DOCK6: variants seen among roughly 807,000 people sequenced by gnomAD.
The protein encoded by DOCK6 is dedicator of cytokinesis 6, also known as dedicator of cytokinesis protein 6.
DOCK6 carries 167 observed loss-of-function variants against 230.3 expected under a neutral mutation model. The observed-to-expected ratio is 0.73, with a 90% CI of 0.64 to 0.82. DOCK6 has a LOEUF of 0.82. DOCK6 is among the 40% of genes least tolerant of loss of function. The pLI, the probability that DOCK6 is intolerant of heterozygous loss-of-function variation, is 0.00. For missense variants in DOCK6, 2,598 were observed against 2,825.8 expected, an observed-to-expected ratio of 0.92 and a Z score of 1.83; for synonymous variants, 1,148 against 1,185.0, an observed-to-expected ratio of 0.97 and a Z score of 0.64.
rs1170577137 is a variant in DOCK6 at position 11,201,176 on chromosome 19, A to T, written c.5689-124T>A. ...GTCCAAGAACCCAGGCAATGAACAGAATCTGGGGGCCTTCCTGGGTCTGAC... is the reference window on the plus strand; with the variant it reads ...GTCCAAGAACCCAGGCAATGAACAGTATCTGGGGGCCTTCCTGGGTCTGAC... On this transcript the variant is annotated intron_variant, in intron 44 of 47. Transcript: ENST00000294618. This position sits in a 1 kb window ranked among gnomAD's most constrained non-coding sequence, Gnocchi z 4.3. 5 of 1,242,544 alleles carry T rather than the reference A, an allele frequency of 4.0e-6. No homozygotes were observed. In the African/African-American group the frequency reaches 7.5e-5, roughly 19 times the overall value. The allele number at this position is 1,242,544 out of a possible 1,614,324, so 77.0% of individuals were successfully genotyped here.
chr19:11,231,157 G>T (rs1018285613), intron 22 of DOCK6, among the ~76,000 whole-genome samples: 5 of 152,148 alleles, frequency 3.3e-5, no homozygotes, highest in African/African-American at 7.2e-5. Flanking sequence ...CTTGGTGATG[G>T]GCACAGAGCT....
rs1483835650 is a variant in DOCK6 at position 11,237,795 on chromosome 19, T to C, written c.1833-16A>G. 4 of 1,559,580 alleles carry C rather than the reference T, an allele frequency of 2.6e-6. No individual in the cohort carries two copies. Among genetic ancestry groups the C allele is most frequent in the Non-Finnish European group, 3.5e-6 (4 of 1,151,982 alleles). On this transcript the variant is annotated splice_polypyrimidine_tract_variant and intron_variant, in intron 16 of 47. Coordinates refer to ENST00000294618, the MANE Select transcript of DOCK6 (RefSeq NM_020812.4). ...CTCGGGGGACCTGGCAGAATCGGGC[T>C]GGGGGATCTGCTGGGGGCTGGGGTC...
rs2079149192 is a variant in DOCK6, at chr19:11,200,399, C to G, written c.6010G>C (p.Glu2004Gln). 1 of 1,608,486 alleles carries G rather than the reference C, an allele frequency of 6.2e-7. No homozygotes were observed. The highest frequency in any genetic ancestry group is 8.5e-7 in the Non-Finnish European group (1 of 1,177,680). Residue 2004 changes from glutamate (E) to glutamine (Q), a missense_variant, in exon 47 of 48, where the codon GAG becomes CAG. Physicochemically the swap from Glu to Gln is conservative, Grantham distance 29. Coordinates refer to ENST00000294618, the MANE Select transcript of DOCK6 (RefSeq NM_020812.4). This position sits in a 1 kb window ranked among gnomAD's most constrained non-coding sequence, Gnocchi z 4.3. The stretch of plus-strand genomic sequence containing the variant: ...TCCCGCAGGCGGCAGTAGTTGCGCT[C>G]CAGCTCACGGTGGTACTCCTTCTGG... ...PDQKEYHREL[E>Q]RNYCRLREAL...
At chr19:11,241,822 C>A (rs765100936) in intron 14 of DOCK6, 171 of 1,430,738 alleles carry the variant, frequency 1.2e-4, no homozygotes, top group Non-Finnish European at 1.6e-4. Context: ...GAGCACAGAG[C>A]AGAGACAGAC....
chr19:11,224,465 C>T (rs2079633133), intron 24 of DOCK6, among the ~76,000 whole-genome samples: 1 of 152,118 alleles, frequency 6.6e-6, no homozygotes, highest in African/African-American at 2.4e-5. Context: ...CCCTCCTCGG[C>T]CTCCTAAAGT....
At chr19:11,242,921 GC>G (rs1358943525) in intron 13 of DOCK6, 137 bp downstream of exon 13, 22 of 925,818 alleles carry the variant, frequency 2.4e-5, no homozygotes, top group Non-Finnish European at 3.4e-5. Context: ...GCTGTAGCCA[GC>G]CCCTGAGGTC....
At chr19:11,199,614 TTCCTCC>T in intron 47 of DOCK6, 75 bp from the exon 48 acceptor site, 1 of 1,431,370 alleles carries the variant, frequency 7.0e-7, no homozygotes, top group African/African-American at 1.4e-5. Flanking sequence ...CCACATCCTC[TTCCTCC>T]TCCTCCTCGT....
intron 7 of DOCK6, among the ~76,000 whole-genome samples, chr19:11,246,136 G>C (rs1315084894): frequency 6.7e-6 from 1 of 150,060 alleles, no homozygotes; most frequent in Non-Finnish European, 1.5e-5. Context: ...GTGCGATCTC[G>C]GCTCACTGCA....
chr19:11,249,388 G>A (rs1280236244), intron 6 of DOCK6, among the ~76,000 whole-genome samples: 1 of 151,940 alleles, frequency 6.6e-6, no homozygotes, highest in African/African-American at 2.4e-5. Flanking sequence ...GCACGTGCCT[G>A]TAGTCCCAGC....
In DOCK6 at chr19:11,243,421, A is replaced by T. The variant is rs1599271087; in HGVS notation, c.1259-36T>A. The T allele has an allele frequency of 2.5e-6, 4 of 1,591,082 alleles. No homozygotes were observed. In the East Asian group the frequency reaches 9.1e-5, roughly 36 times the overall value. On this transcript the variant is annotated intron_variant, in intron 11 of 47. Coordinates refer to ENST00000294618, the MANE Select transcript of DOCK6 (RefSeq NM_020812.4). This position sits in a 1 kb window ranked among gnomAD's most constrained non-coding sequence, Gnocchi z 6.3. ...GAATGACAATGACAAAAGGGGGACC[A>T]AGATGAAACAGGGAGACTCAGGGGC... is the stretch of plus-strand genomic sequence containing the variant.
Position 11,248,161 on chromosome 19 carries a change from G to GT in DOCK6, c.721-11dup. 1 of 1,580,356 alleles carries GT rather than the reference G, an allele frequency of 6.3e-7. No homozygotes were observed. The highest frequency in any genetic ancestry group is 1.3e-5 in the African/African-American group (1 of 74,772). ...GTTCCACGGCTTCATCCTGCCAAGA[G>GT]TGGGGGGTGGGAGCTGGGCGGGAGG... On this transcript the variant is annotated splice_polypyrimidine_tract_variant and intron_variant, in intron 6 of 47. Coordinates refer to ENST00000294618, the MANE Select transcript of DOCK6 (RefSeq NM_020812.4).
At chr19:11,227,163 G>A (rs888007964) in intron 24 of DOCK6, among the ~76,000 whole-genome samples, 174 bp downstream of exon 24, 1 of 152,168 alleles carries the variant, frequency 6.6e-6, no homozygotes, top group East Asian at 1.9e-4. Context: ...CCCAGCACAG[G>A]GCTGTGCACG....
Position 11,200,312 on chromosome 19 carries a change from G to A in DOCK6, c.6097C>T (p.Leu2033Phe), listed in dbSNP as rs556988328. ...PQLMAPTPPG[L>F]RNSLNRASFR... ...TGGGGGCACTAGGTCAGGCACCTGA[G>A]GCCGGGTGGGGTGGGTGCCATCAGC... The change falls in exon 47 of 48, where the codon CTC becomes TTC. Residue 2033 changes from leucine to phenylalanine, a missense_variant. Physicochemically the swap from Leu to Phe is conservative, Grantham distance 22. Transcript: ENST00000294618. This position sits in a 1 kb window ranked among gnomAD's most constrained non-coding sequence, Gnocchi z 4.3. 1.1e-4 allele frequency: 168 copies of A among 1,563,594 alleles called. 1 individual carries two copies. The East Asian group carries it at 3.8e-3, about 35-fold the overall frequency.
Position 11,213,195 on chromosome 19 carries a change from T to C in DOCK6, c.4472A>G (p.Gln1491Arg). The C allele has an allele frequency of 6.2e-7, 1 of 1,612,660 alleles. No homozygotes were observed. The highest frequency in any genetic ancestry group is 8.5e-7 in the Non-Finnish European group (1 of 1,179,428). The change falls in exon 35 of 48, where the codon CAG becomes CGG. Residue 1491 changes from glutamine (Q) to arginine (R), a missense_variant. Coordinates refer to ENST00000294618, the MANE Select transcript of DOCK6 (RefSeq NM_020812.4). ...ACTCACGTGGCCGATCTCGAAGTTC[T>C]GTCGCATGAGCAGGTACAGCGAGGC... is the stretch of plus-strand genomic sequence containing the variant. Reference protein sequence around the residue: ...ASASLYLLMRQNFEIGHNFAR... With the variant: ...ASASLYLLMRRNFEIGHNFAR...
In DOCK6 at chr19:11,218,874, C is replaced by CTT. The variant is rs74180011; in HGVS notation, c.3551-1485_3551-1484dup. ...GGAGCTCAAGAAAAAAAAAAAATCA[C>CTT]TTTTTTTTTTTTTTTTTTTTTTGAG... On this transcript the variant is annotated intron_variant, in intron 28 of 47. Transcript: ENST00000294618. Among the ~76,000 whole-genome samples, 925 of 104,976 alleles carry CTT rather than the reference C, an allele frequency of 8.8e-3. 23 individuals carry two copies. The highest frequency in any genetic ancestry group is 0.028 in the African/African-American group (658 of 23,706). 68.9% of individuals were successfully genotyped at this position (104,976 alleles called of 152,430 possible).
chr19:11,217,895 C>T lies in DOCK6; in HGVS notation c.3551-504G>A, dbSNP rs148892737. Reference sequence around the variant, plus strand: ...GAGACGGAGTCTTGCTCTGTTGCCCCGGCTGGAGTACAGTGGCCTGATCTC... The same window carrying T: ...GAGACGGAGTCTTGCTCTGTTGCCCTGGCTGGAGTACAGTGGCCTGATCTC... On this transcript the variant is annotated intron_variant, in intron 28 of 47. Transcript: ENST00000294618. Among the ~76,000 whole-genome samples, 43 of 151,856 alleles carry T rather than the reference C, an allele frequency of 2.8e-4. No individual in the cohort carries two copies. In the East Asian group the frequency reaches 6.4e-3, roughly 23 times the overall value.
Position 11,201,769 on chromosome 19 carries a change from TG to T in DOCK6, c.5688+119del. The stretch of plus-strand genomic sequence containing the variant: ...CTAGGGTCCCTGTGCCACCCCTCTC[TG>T]GGTCTGAGGTCCGTGAACCACCTTG... On this transcript the variant is annotated intron_variant, in intron 44 of 47. Transcript: ENST00000294618. The surrounding 1 kb of genome is among the most constrained non-coding windows in gnomAD (Gnocchi z 4.3). 1.1e-6 allele frequency: 1 copy of T among 939,234 alleles called. No homozygotes were observed. The highest frequency in any genetic ancestry group is 1.6e-6 in the Non-Finnish European group (1 of 627,990). 58.2% of individuals were successfully genotyped at this position (939,234 alleles called of 1,614,324 possible).
In DOCK6 at chr19:11,236,253, G is replaced by A; in HGVS notation, c.2392+93C>T. 1 of 1,201,924 alleles carries A rather than the reference G, an allele frequency of 8.3e-7. No homozygotes were observed. The highest frequency in any genetic ancestry group is 2.6e-5 in the East Asian group (1 of 38,768). 74.5% of individuals were successfully genotyped at this position (1,201,924 alleles called of 1,614,324 possible). A position where few individuals can be genotyped will look rare whatever the true frequency, so the allele number is the denominator to read the frequency against. On this transcript the variant is annotated intron_variant, in intron 20 of 47. Transcript: ENST00000294618. This position sits in a 1 kb window ranked among gnomAD's most constrained non-coding sequence, Gnocchi z 5.2. ...TTTTCAGATGAGAAAAATGGCCAGA[G>A]AGGTAAATGGGCTTATAGAAGATCC...
In DOCK6 at chr19:11,201,697, G is replaced by T. The variant is rs1327523904; in HGVS notation, c.5688+192C>A. ...GGGGTCCCTGCATCTTGCCTCCCAGGTCTCCCTGGGTCTGGTCTCCTCCCC... is the reference window on the plus strand; with the variant it reads ...GGGGTCCCTGCATCTTGCCTCCCAGTTCTCCCTGGGTCTGGTCTCCTCCCC... On this transcript the variant is annotated intron_variant, in intron 44 of 47. Coordinates refer to ENST00000294618, the MANE Select transcript of DOCK6 (RefSeq NM_020812.4). The surrounding 1 kb of genome is among the most constrained non-coding windows in gnomAD (Gnocchi z 4.3). 6.6e-6 allele frequency among the ~76,000 whole-genome samples: 1 copy of T among 150,986 alleles called. No homozygotes were observed. The highest frequency in any genetic ancestry group is 2.4e-5 in the African/African-American group (1 of 40,982).
Sources: allele counts gnomAD v4.1 joint callset (sites outside exome capture counted in the v4.1 genomes callset), GRCh38; gene constraint gnomAD v4.1.1; non-coding constraint Gnocchi (gnomAD v3.1); transcripts MANE v1.5; gene names NCBI Gene and HGNC (gene_info 2026-07-23, HGNC 2026-07-21).